Variants in GRID2 observed in about 807,000 individuals in gnomAD.
GRID2 encodes the protein glutamate receptor ionotropic, delta-2.
GRID2 carries 33 observed loss-of-function variants against 114.8 expected under a neutral mutation model. That is an observed-to-expected ratio of 0.29 (90% CI 0.22 to 0.38). The LOEUF is 0.38. Among genes scored for constraint, GRID2 ranks in the 10% least tolerant of loss-of-function variants. The pLI, the probability that GRID2 is intolerant of heterozygous loss-of-function variation, is 1.00. For synonymous variants in GRID2, 505 were observed against 449.9 expected (o/e 1.12, Z -1.55); for missense variants, 1,184 against 1,257.7 (o/e 0.94, Z 0.89).
intron 13 of GRID2, among the ~76,000 whole-genome samples, chr4:93,617,550 C>T (rs1055379627): frequency 2.0e-5 from 3 of 152,066 alleles, no homozygotes; most frequent in African/African-American, 7.2e-5. Flanking sequence ...TCTGTCCTTC[C>T]ATCTGTAATA....
chr4:93,127,416 A>G (rs1734377414), intron 4 of GRID2, among the ~76,000 whole-genome samples: 1 of 152,200 alleles, frequency 6.6e-6, no homozygotes, highest in African/African-American at 2.4e-5. Context: ...ATGAACATAT[A>G]CATAAACTGA....
chr4:93,392,258 A>G (rs1764931398), intron 8 of GRID2, among the ~76,000 whole-genome samples: 1 of 152,154 alleles, frequency 6.6e-6, no homozygotes, highest in Non-Finnish European at 1.5e-5. Flanking sequence ...CAGAAACAAA[A>G]TCAAAGACAC....
chr4:93,078,288 G>C lies in GRID2; in HGVS notation c.245-6707G>C, dbSNP rs147898937. Among the ~76,000 whole-genome samples, 199 of 152,106 alleles carry C rather than the reference G, an allele frequency of 1.3e-3. 2 individuals carry two copies. The highest frequency in any genetic ancestry group is 4.4e-3 in the African/African-American group (184 of 41,496). On this transcript the variant is annotated intron_variant, in intron 2 of 15. Coordinates refer to ENST00000282020, the MANE Select transcript of GRID2 (RefSeq NM_001510.4). ...CTCTATAGTCACTTCTGTAGCAAAG[G>C]CTTCCCCAATCTCTAGTTGAGGAAA...
intron 2 of GRID2, among the ~76,000 whole-genome samples, chr4:93,038,240 C>T (rs143500604): frequency 0.028 from 4,208 of 152,124 alleles, 81 homozygotes; most frequent in Middle Eastern, 0.071. Context: ...AGAGTTCACT[C>T]ATAATTTGGC....
intron 2 of GRID2, among the ~76,000 whole-genome samples, chr4:92,751,474 CTGTT>C (rs1479640294): frequency 1.6e-4 from 24 of 152,190 alleles, no homozygotes; most frequent in African/African-American, 5.5e-4. Flanking sequence ...TCCAAAAAGG[CTGTT>C]TGATTTACAA....
chr4:92,320,530 A>T (rs772143781), intron 1 of GRID2, among the ~76,000 whole-genome samples: 1 of 151,884 alleles, frequency 6.6e-6, no homozygotes, highest in Non-Finnish European at 1.5e-5. Context: ...ACTGGAGTGT[A>T]GTGTCGTGAT....
chr4:92,587,414 G>A (rs1232681636), intron 1 of GRID2, among the ~76,000 whole-genome samples: 1 of 151,976 alleles, frequency 6.6e-6, no homozygotes, highest in East Asian at 1.9e-4. Context: ...GTGACTATTG[G>A]AAGTGGGTGA....
intron 2 of GRID2, among the ~76,000 whole-genome samples, chr4:93,018,298 A>G (rs1012244866): frequency 6.6e-6 from 1 of 151,620 alleles, no homozygotes; most frequent in African/African-American, 2.4e-5. Context: ...TTTTTTATAT[A>G]AAATGGCATT....
At chr4:92,851,336 C>A (rs1266502096) in intron 2 of GRID2, among the ~76,000 whole-genome samples, 1 of 151,804 alleles carries the variant, frequency 6.6e-6, no homozygotes, top group East Asian at 1.9e-4. Context: ...TTCTATCTCA[C>A]CAGAAAAACA....
intron 2 of GRID2, among the ~76,000 whole-genome samples, chr4:92,605,197 T>G (rs564844337): frequency 6.6e-6 from 1 of 152,222 alleles, no homozygotes; most frequent in Non-Finnish European, 1.5e-5. Flanking sequence ...GAAAATGGAC[T>G]AATACACCAG....
intron 2 of GRID2, among the ~76,000 whole-genome samples, chr4:92,773,966 GA>G: frequency 6.6e-6 from 1 of 152,156 alleles, no homozygotes; most frequent in East Asian, 1.9e-4. Flanking sequence ...AAGACAAATA[GA>G]TTGACCAAGA....
intron 4 of GRID2, among the ~76,000 whole-genome samples, chr4:93,120,725 G>A (rs564930451): frequency 1.4e-4 from 21 of 152,154 alleles, no homozygotes; most frequent in East Asian, 5.8e-4. Context: ...AGGCTGAGGC[G>A]GGTGGATCAT....
intron 13 of GRID2, among the ~76,000 whole-genome samples, chr4:93,518,229 C>A (rs2149494634): frequency 6.6e-6 from 1 of 151,746 alleles, no homozygotes; most frequent in East Asian, 2.0e-4. Flanking sequence ...CTACTAGTCT[C>A]ATTAAGTTTC....
At chr4:93,619,965 A>G (rs904632008) in intron 13 of GRID2, among the ~76,000 whole-genome samples, 18 of 152,190 alleles carry the variant, frequency 1.2e-4, no homozygotes, top group African/African-American at 3.9e-4. Flanking sequence ...ATCTCCCAGA[A>G]ATTTATATTT....
At chr4:93,455,599 AGTG>A in intron 10 of GRID2, 60 bp from the exon 11 acceptor site, 1 of 1,122,768 alleles carries the variant, frequency 8.9e-7, no homozygotes, top group Non-Finnish European at 1.3e-6. Context: ...GGCAAGCTGA[AGTG>A]GCACAAATGA....
Position 93,286,251 on chromosome 4 carries a change from G to A in GRID2, c.1245+47761G>A, listed in dbSNP as rs1753137241. On this transcript the variant is annotated intron_variant, in intron 8 of 15. Coordinates refer to ENST00000282020, the MANE Select transcript of GRID2 (RefSeq NM_001510.4). ...ATTTGTAAATGAAGATGACTAGAAC[G>A]TTGACCTGACAATAATAAATGAACC... is the stretch of plus-strand genomic sequence containing the variant. Among the ~76,000 whole-genome samples the A allele has an allele frequency of 2.6e-5, 4 of 152,014 alleles. No individual in the cohort carries two copies. In the South Asian group the frequency reaches 6.2e-4, roughly 24 times the overall value.
At chr4:93,672,793 T>G (rs1182953191) in intron 14 of GRID2, among the ~76,000 whole-genome samples, 1 of 152,214 alleles carries the variant, frequency 6.6e-6, no homozygotes, top group Non-Finnish European at 1.5e-5. Context: ...CAGGACAGTG[T>G]TGCCTGATGG....
At chr4:93,229,813 C>T (rs539777892) in intron 7 of GRID2, among the ~76,000 whole-genome samples, 1 of 152,052 alleles carries the variant, frequency 6.6e-6, no homozygotes, top group African/African-American at 2.4e-5. Context: ...GTTTCTGTTT[C>T]TCAGGTACTC....
intron 8 of GRID2, among the ~76,000 whole-genome samples, chr4:93,295,698 T>G (rs1754227772): frequency 1.3e-5 from 2 of 152,214 alleles, no homozygotes; most frequent in Non-Finnish European, 2.9e-5. Context: ...ACTGATTGAA[T>G]CAGACCCATC....
Sources: gnomAD v4.1 joint callset for allele counts (sites outside exome capture counted in the v4.1 genomes callset) on GRCh38, gnomAD v4.1.1 for gene constraint, MANE v1.5 for transcripts, NCBI Gene and HGNC (gene_info 2026-07-23, HGNC 2026-07-21) for gene names.